The following WDR33 variants were observed in gnomAD, a reference collection of about 807,000 sequenced individuals.
WDR33 encodes the protein WD repeat domain 33, also known as pre-mRNA 3' end processing protein WDR33.
Under a neutral mutation model 164.9 loss-of-function variants are expected in WDR33, and 47 were observed. That is an observed-to-expected ratio of 0.29 (90% confidence interval 0.23 to 0.36). The LOEUF (loss-of-function observed/expected upper bound fraction) is 0.36, where lower values mean the gene tolerates loss of function less well. WDR33 is among the 10% of genes least tolerant of loss of function. The probability of loss-of-function intolerance (pLI) is 1.00; values close to 1 mark genes in which losing one functional copy is unlikely to be tolerated. For missense variants in WDR33, 1,137 were observed against 1,754.1 expected (o/e 0.65, Z 6.28); for synonymous variants, 505 against 589.0 (o/e 0.86, Z 2.06).
chr2:127,775,580 C>G (rs1448522526), intron 1 of WDR33, among the ~76,000 whole-genome samples: 1 of 152,094 alleles, frequency 6.6e-6, no homozygotes, highest in Non-Finnish European at 1.5e-5. Context: ...ATACAAAGCA[C>G]TAATCAAAAG....
intron 7 of WDR33, among the ~76,000 whole-genome samples, chr2:127,757,077 C>CA (rs11381814): frequency 0.059 from 5,045 of 84,970 alleles, 261 homozygotes; most frequent in African/African-American, 0.16. Context: ...AACCTGTCTC[C>CA]AAAAAAAAAA....
intron 1 of WDR33, among the ~76,000 whole-genome samples, chr2:127,780,861 TTTTA>T (rs1449263161): frequency 3.3e-5 from 5 of 152,062 alleles, no homozygotes; most frequent in African/African-American, 4.8e-5. Context: ...ATTAATAGCT[TTTTA>T]TTTTTTACTT....
intron 17 of WDR33, among the ~76,000 whole-genome samples, chr2:127,715,716 G>A (rs537806210): frequency 7.9e-5 from 12 of 152,120 alleles, no homozygotes; most frequent in African/African-American, 1.2e-4. Context: ...AACATTTTCC[G>A]TTTGGACTTA....
intron 18 of WDR33, among the ~76,000 whole-genome samples, chr2:127,711,817 G>A (rs1686187112): frequency 7.8e-6 from 1 of 128,862 alleles, no homozygotes; most frequent in Admixed American, 8.1e-5. Context: ...CTGTCACCCA[G>A]GCTGGAGTGC....
At chr2:127,790,818 T>C (rs1464729560) in intron 1 of WDR33, among the ~76,000 whole-genome samples, 1 of 152,166 alleles carries the variant, frequency 6.6e-6, no homozygotes, top group African/African-American at 2.4e-5. Context: ...TCAGGTTACA[T>C]ATTTTTTCTT....
Position 127,738,653 on chromosome 2 carries a change from C to A in WDR33, c.725-11876G>T, listed in dbSNP as rs1379027833. Among the ~76,000 whole-genome samples the A allele has an allele frequency of 2.6e-5, 4 of 152,142 alleles. No individual in the cohort carries two copies. The highest frequency in any genetic ancestry group is 9.7e-5 in the African/African-American group (4 of 41,426). On this transcript the variant is annotated intron_variant, in intron 7 of 21. Coordinates refer to ENST00000322313, the MANE Select transcript of WDR33 (RefSeq NM_018383.5). The surrounding 1 kb of genome is among the most constrained non-coding windows in gnomAD (Gnocchi z 4.4). ...GAAAATGGCACTTTACCTGTGTGAT[C>A]TTCCTCTCAAAAACCGACAATTCCC...
chr2:127,737,056 A>G, intron 7 of WDR33: 1 of 985,444 alleles, frequency 1.0e-6, no homozygotes, highest in Non-Finnish European at 1.2e-6. Context: ...TAATAACCAG[A>G]AAGAAGCAAT....
rs1301355807 is a variant in WDR33 at position 127,794,959 on chromosome 2, G to T, written c.-24+16053C>A. Among the ~76,000 whole-genome samples, 21 of 151,718 alleles carry T rather than the reference G, an allele frequency of 1.4e-4. 1 individual carries two copies. Among genetic ancestry groups the T allele is most frequent in the Admixed American group, 1.4e-3 (21 of 15,204 alleles). ...GGATCACTTGAGCCCAGTAGTTCAA[G>T]TCCTGAGCAACATGATAAGACCCTG... is the stretch of plus-strand genomic sequence containing the variant. On this transcript the variant is annotated intron_variant, in intron 1 of 21. Coordinates refer to ENST00000322313, the MANE Select transcript of WDR33 (RefSeq NM_018383.5).
rs1179569150 is a variant in WDR33 at position 127,763,104 on chromosome 2, T to C, written c.682A>G (p.Ile228Val). 2 of 1,614,088 alleles carry C rather than the reference T, an allele frequency of 1.2e-6. No homozygotes were observed. Among genetic ancestry groups the C allele is most frequent in the African/African-American group, 1.3e-5 (1 of 75,060 alleles). Residue 228 changes from isoleucine (I) to valine (V), a missense_variant, in exon 7 of 22, where the codon ATC (isoleucine) becomes GTC (valine). Physicochemically the swap from Ile to Val is conservative, Grantham distance 29. This residue lies in a region of WDR33 where 83 missense variants were observed against 189.2 expected (regional missense o/e 0.44). Transcript: ENST00000322313. This position sits in a 1 kb window ranked among gnomAD's most constrained non-coding sequence, Gnocchi z 4.5. The part of the protein sequence containing the change: ...ATCSDDGTVR[I>V]WDFLRCHEER... ...TCATGGCAACGAAGAAAGTCCCAGA[T>C]TCTAACAGTGCCGTCATCAGAGCAT...
chr2:127,713,969 C>A lies in WDR33; in HGVS notation c.2922G>T (p.Arg974=). The A allele has an allele frequency of 6.4e-7, 1 of 1,562,342 alleles. No homozygotes were observed. The change falls in exon 18 of 22, where the codon CGG becomes CGT. Residue 974 remains arginine (R), a synonymous_variant. Coordinates refer to ENST00000322313, the MANE Select transcript of WDR33 (RefSeq NM_018383.5). The surrounding 1 kb of genome is among the most constrained non-coding windows in gnomAD (Gnocchi z 6.2). ...GCTCAGGCCCGCCGCTCTGCTCATG[C>A]CGCCTCTCTGACATCGGGCCCATGT... is the stretch of plus-strand genomic sequence containing the variant. ...NHHMGPMSER[R]HEQSGGPEHG...
At chr2:127,784,811 G>A (rs886798457) in intron 1 of WDR33, among the ~76,000 whole-genome samples, 5 of 152,070 alleles carry the variant, frequency 3.3e-5, no homozygotes, top group African/African-American at 4.8e-5. Flanking sequence ...GGAAAATACT[G>A]GTTCCAGAGA....
intron 4 of WDR33, 31 bp downstream of exon 4, chr2:127,768,158 T>C (rs1395064402): frequency 1.4e-6 from 2 of 1,393,894 alleles, no homozygotes; most frequent in Non-Finnish European, 1.9e-6. Context: ...CAGGATTAAT[T>C]TTCCCCCAAA....
Position 127,713,971 on chromosome 2 carries a change from G to A in WDR33, c.2920C>T (p.Arg974Trp), listed in dbSNP as rs575815091. 4 of 1,559,004 alleles carry A rather than the reference G, an allele frequency of 2.6e-6. No homozygotes were observed. The highest frequency in any genetic ancestry group is 1.4e-5 in the African/African-American group (1 of 73,314). The part of the protein sequence containing the change: ...NHHMGPMSER[R>W]HEQSGGPEHG... ...TCAGGCCCGCCGCTCTGCTCATGCCGCCTCTCTGACATCGGGCCCATGTGA... is the reference window on the plus strand; with the variant it reads ...TCAGGCCCGCCGCTCTGCTCATGCCACCTCTCTGACATCGGGCCCATGTGA... The change falls in exon 18 of 22, where the codon CGG becomes TGG. Residue 974 changes from arginine (R) to tryptophan (W), a missense_variant. By Grantham distance (101) the Arg-to-Trp change is moderately radical. Coordinates refer to ENST00000322313, the MANE Select transcript of WDR33 (RefSeq NM_018383.5). The surrounding 1 kb of genome is among the most constrained non-coding windows in gnomAD (Gnocchi z 6.2).
At position 127,794,909 on chromosome 2, in the gene WDR33, T is replaced by C. The variant is rs1218820352; in HGVS notation, c.-24+16103A>G. On this transcript the variant is annotated intron_variant, in intron 1 of 21. Coordinates refer to ENST00000322313, the MANE Select transcript of WDR33 (RefSeq NM_018383.5). ...TGTGGTGAATATGCACCTGTAATCC[T>C]AGCTACTGGGAGGCTGAGGCGGGAG... Among the ~76,000 whole-genome samples the C allele has an allele frequency of 1.1e-4, 16 of 150,786 alleles. No individual in the cohort carries two copies. The Admixed American group carries it at 1.1e-3, about 10-fold the overall frequency.
Position 127,722,907 on chromosome 2 carries a change from G to A in WDR33, c.1378+51C>T. On this transcript the variant is annotated intron_variant, in intron 13 of 21. Transcript: ENST00000322313. The surrounding 1 kb of genome is among the most constrained non-coding windows in gnomAD (Gnocchi z 5.1). Reference sequence around the variant, plus strand: ...AATATATTTATCAGGAACATAAACGGGTCAAGAAAAAATTTGTAAAAATTA... The same window carrying A: ...AATATATTTATCAGGAACATAAACGAGTCAAGAAAAAATTTGTAAAAATTA... The A allele has an allele frequency of 6.5e-7, 1 of 1,527,012 alleles. No individual in the cohort carries two copies. The highest frequency in any genetic ancestry group is 8.9e-7 in the Non-Finnish European group (1 of 1,128,298). 94.6% of individuals were successfully genotyped at this position (1,527,012 alleles called of 1,614,324 possible). A position where few individuals can be genotyped will look rare whatever the true frequency, so the allele number is the denominator to read the frequency against.
intron 7 of WDR33, among the ~76,000 whole-genome samples, chr2:127,742,902 G>C (rs559070847): frequency 1.3e-5 from 2 of 148,216 alleles, no homozygotes; most frequent in East Asian, 3.9e-4. Flanking sequence ...AGAGAAAAGA[G>C]ATCATTCAGA....
chr2:127,784,695 A>G (rs1688500989), intron 1 of WDR33, among the ~76,000 whole-genome samples: 1 of 152,174 alleles, frequency 6.6e-6, no homozygotes, highest in African/African-American at 2.4e-5. Flanking sequence ...AATTGTATCA[A>G]CAAGCTTTTT....
At chr2:127,788,182 T>C (rs1688672415) in intron 1 of WDR33, among the ~76,000 whole-genome samples, 1 of 102,800 alleles carries the variant, frequency 9.7e-6, no homozygotes, top group African/African-American at 4.1e-5. Flanking sequence ...ACGGGGCGGC[T>C]GGCCGGGCGG....
intron 7 of WDR33, among the ~76,000 whole-genome samples, chr2:127,748,524 G>A (rs1333906728): frequency 6.6e-6 from 1 of 152,172 alleles, no homozygotes; most frequent in Non-Finnish European, 1.5e-5. Context: ...TGTTTTAAAT[G>A]GCTCAGGTAA....
Sources: gnomAD v4.1 joint callset for allele counts (sites outside exome capture counted in the v4.1 genomes callset) on GRCh38, gnomAD v4.1.1 for gene constraint, gnomAD v4.1.1 regional missense constraint, Gnocchi (gnomAD v3.1) non-coding constraint, MANE v1.5 for transcripts, NCBI Gene and HGNC (gene_info 2026-07-23, HGNC 2026-07-21) for gene names.